The following THRB variants were observed in gnomAD, a reference collection of about 807,000 sequenced individuals.
THRB encodes the protein nuclear receptor subfamily 1 group A member 2.
THRB carries 12 observed loss-of-function variants against 47.8 expected under a neutral mutation model. That is an observed-to-expected ratio of 0.25 (90% CI 0.16 to 0.41). THRB has a LOEUF of 0.41. Ranked by LOEUF, THRB falls within the 10% of genes least tolerant of loss-of-function variation. The probability of loss-of-function intolerance (pLI) is 1.00; values close to 1 mark genes in which losing one functional copy is unlikely to be tolerated. For synonymous variants in THRB, 218 were observed against 212.2 expected, an observed-to-expected ratio of 1.03 and a Z score of -0.24; for missense variants, 348 against 589.2, an observed-to-expected ratio of 0.59 and a Z score of 4.24.
At chr3:24,336,722 CTTTT>C (rs1553717322) in intron 2 of THRB, among the ~76,000 whole-genome samples, 2 of 135,940 alleles carry the variant, frequency 1.5e-5, no homozygotes, top group Admixed American at 7.4e-5. Flanking sequence ...AATTCTCATG[CTTTT>C]TTTTTTTTTT....
At chr3:24,214,221 T>G (rs73823235) in intron 4 of THRB, among the ~76,000 whole-genome samples, 4,027 of 152,284 alleles carry the variant, frequency 0.026, 206 homozygotes, top group African/African-American at 0.092. Flanking sequence ...GGGTCAGCAA[T>G]GCAGCTGTGG....
intron 3 of THRB, among the ~76,000 whole-genome samples, chr3:24,295,275 C>T (rs1225880993): frequency 6.6e-6 from 1 of 152,196 alleles, no homozygotes; most frequent in African/African-American, 2.4e-5. Context: ...TAAGTGATAG[C>T]CCTAACCACA....
chr3:24,391,947 C>A (rs2066605154), intron 1 of THRB, among the ~76,000 whole-genome samples: 1 of 152,286 alleles, frequency 6.6e-6, no homozygotes, highest in Non-Finnish European at 1.5e-5. Context: ...ATAATTCGCA[C>A]AGGGCAGCCA....
At chr3:24,275,484 C>G (rs1201687842) in intron 3 of THRB, among the ~76,000 whole-genome samples, 2 of 152,132 alleles carry the variant, frequency 1.3e-5, no homozygotes, top group Non-Finnish European at 2.9e-5. Flanking sequence ...TGTTTGAAAA[C>G]TTTGACAGTT....
chr3:24,244,840 A>G (rs58509679), intron 3 of THRB, among the ~76,000 whole-genome samples: 2,326 of 152,296 alleles, frequency 0.015, 63 homozygotes, highest in African/African-American at 0.052. Context: ...AGCACATTGC[A>G]ATGAAAATGC....
chr3:24,136,822 C>T (rs1255114393), intron 8 of THRB, among the ~76,000 whole-genome samples: 1 of 152,202 alleles, frequency 6.6e-6, no homozygotes, highest in African/African-American at 2.4e-5. Flanking sequence ...AAATGGACTT[C>T]CTGAGCTAGC....
intron 8 of THRB, among the ~76,000 whole-genome samples, chr3:24,135,836 TA>T: frequency 8.4e-6 from 1 of 118,746 alleles, no homozygotes; most frequent in African/African-American, 3.2e-5. Context: ...TATATATATA[TA>T]TATATATATA....
At chr3:24,134,433 C>T (rs1028962809) in intron 8 of THRB, among the ~76,000 whole-genome samples, 4 of 152,102 alleles carry the variant, frequency 2.6e-5, no homozygotes, top group Non-Finnish European at 1.5e-5. Flanking sequence ...TATTTGTGGC[C>T]TACAAGTGAG....
intron 1 of THRB, chr3:24,458,052 T>A (rs943456110): frequency 1.3e-5 from 2 of 152,070 alleles, no homozygotes; most frequent in African/African-American, 4.8e-5. Flanking sequence ...TTCTGACAAG[T>A]CCCCAGGGGA....
At chr3:24,397,239 G>A (rs539201787) in intron 1 of THRB, among the ~76,000 whole-genome samples, 208 of 152,232 alleles carry the variant, frequency 1.4e-3, no homozygotes, top group African/African-American at 4.8e-3. Context: ...CATCTTGGAA[G>A]ATTACAAACA....
chr3:24,446,367 G>T (rs943826412), intron 1 of THRB, among the ~76,000 whole-genome samples: 3 of 152,046 alleles, frequency 2.0e-5, no homozygotes, highest in Admixed American at 2.0e-4. Context: ...GCCTCTTCCT[G>T]CTCACCTCTG....
chr3:24,438,494 A>C (rs986460251), intron 1 of THRB, among the ~76,000 whole-genome samples: 2 of 146,086 alleles, frequency 1.4e-5, no homozygotes, highest in African/African-American at 5.1e-5. Flanking sequence ...CCATTGTCAG[A>C]GAGAACAAAA....
At position 24,316,814 on chromosome 3, in the gene THRB, C is replaced by T. The variant is rs551999872; in HGVS notation, c.-188-19443G>A. The stretch of plus-strand genomic sequence containing the variant: ...TCTCCACAGCACACCTTAAAACATC[C>T]TCCACCCCCCAGAACACTTGACACC... On this transcript the variant is annotated intron_variant, in intron 2 of 10. Transcript: ENST00000646209. 1.4e-4 allele frequency among the ~76,000 whole-genome samples: 22 copies of T among 152,230 alleles called. No individual in the cohort carries two copies. In the South Asian group the frequency reaches 4.4e-3, roughly 30 times the overall value.
intron 1 of THRB, among the ~76,000 whole-genome samples, chr3:24,341,086 TC>T (rs750085211): frequency 3.9e-5 from 6 of 151,948 alleles, no homozygotes; most frequent in Non-Finnish European, 8.8e-5. Flanking sequence ...AAATTCTTTT[TC>T]TTTTGGCTTT....
chr3:24,278,506 G>A (rs187067834), intron 3 of THRB, among the ~76,000 whole-genome samples: 11 of 152,224 alleles, frequency 7.2e-5, no homozygotes, highest in South Asian at 2.1e-4. Flanking sequence ...TTTTGCTTCT[G>A]AATAGAAAGC....
At chr3:24,395,198 G>A (rs373113698) in intron 1 of THRB, among the ~76,000 whole-genome samples, 12 of 152,184 alleles carry the variant, frequency 7.9e-5, no homozygotes, top group East Asian at 7.8e-4. Flanking sequence ...AAAATTTCAT[G>A]ACCTTGGGTT....
chr3:24,296,638 A>G (rs2151031821), intron 3 of THRB, among the ~76,000 whole-genome samples: 1 of 152,370 alleles, frequency 6.6e-6, no homozygotes, highest in Admixed American at 6.5e-5. Flanking sequence ...AAGTGCTGTA[A>G]GAGTACAGAG....
intron 5 of THRB, among the ~76,000 whole-genome samples, chr3:24,185,049 A>G (rs2042393885): frequency 6.6e-6 from 1 of 152,226 alleles, no homozygotes; most frequent in Non-Finnish European, 1.5e-5. Context: ...TGAAATTGTC[A>G]TCACTGATTT....
rs1406032647 is a variant in THRB at position 24,119,884 on chromosome 3, C to T, written c.*3000G>A. ...TCACACACGCACGCGCATACACTCA[C>T]ACGCACACACGCCCCACACCGCTCA... is the stretch of plus-strand genomic sequence containing the variant. On this transcript the variant is annotated 3_prime_UTR_variant, in exon 11 of 11. Coordinates refer to ENST00000646209, the MANE Select transcript of THRB (RefSeq NM_001354712.2). The T allele has an allele frequency of 6.6e-6, 1 of 152,304 alleles. No homozygotes were observed. The highest frequency in any genetic ancestry group is 1.5e-5 in the Non-Finnish European group (1 of 68,078). The allele number at this position is 152,304 out of a possible 1,614,324, so 9.4% of individuals were successfully genotyped here. A position where few individuals can be genotyped will look rare whatever the true frequency, so the allele number is the denominator to read the frequency against.
Sources: gnomAD v4.1 joint callset for allele counts (sites outside exome capture counted in the v4.1 genomes callset) on GRCh38, gnomAD v4.1.1 for gene constraint, MANE v1.5 for transcripts, NCBI Gene and HGNC (gene_info 2026-07-23, HGNC 2026-07-21) for gene names.